Variants in LRRTM4 observed in about 807,000 individuals in gnomAD.
LRRTM4 encodes leucine rich repeat transmembrane neuronal 4.
In LRRTM4, 25 loss-of-function variants were observed where a neutral mutation model predicts 47.6. That is an observed-to-expected ratio of 0.53 (90% CI 0.38 to 0.73). The LOEUF (loss-of-function observed/expected upper bound fraction) is 0.73. Ranked by LOEUF, LRRTM4 falls within the 30% of genes least tolerant of loss-of-function variation. The pLI is 0.00. For missense variants in LRRTM4, 638 were observed against 713.4 expected (o/e 0.89, Z 1.20); for synonymous variants, 311 against 269.5 (o/e 1.15, Z -1.51).
intron 3 of LRRTM4, among the ~76,000 whole-genome samples, chr2:77,117,310 A>G (rs895638881): frequency 1.6e-4 from 25 of 152,170 alleles, no homozygotes; most frequent in African/African-American, 5.5e-4. Context: ...AGAAAAATAG[A>G]TAGCAAAAAG....
intron 3 of LRRTM4, among the ~76,000 whole-genome samples, chr2:77,350,769 G>T (rs887946466): frequency 3.9e-5 from 6 of 151,960 alleles, no homozygotes; most frequent in African/African-American, 7.3e-5. Flanking sequence ...AATTACTGAA[G>T]AAAACAATCT....
intron 3 of LRRTM4, among the ~76,000 whole-genome samples, chr2:77,436,262 G>A (rs1452449971): frequency 1.3e-5 from 2 of 152,106 alleles, no homozygotes; most frequent in Non-Finnish European, 2.9e-5. Flanking sequence ...ATGTTACGTA[G>A]TGGTGAGGTT....
chr2:77,516,751 T>A (rs1320840001), intron 3 of LRRTM4: 1 of 968,088 alleles, frequency 1.0e-6, no homozygotes, highest in Non-Finnish European at 1.2e-6. Flanking sequence ...TGGGATTACT[T>A]CTCTTATTTT....
intron 3 of LRRTM4, among the ~76,000 whole-genome samples, chr2:77,007,024 G>A (rs1558793488): frequency 1.3e-5 from 2 of 151,886 alleles, no homozygotes; most frequent in African/African-American, 4.8e-5. Flanking sequence ...TGTTGGCTTT[G>A]TTTTTTGTTT....
chr2:76,939,121 T>C (rs1303330589), intron 3 of LRRTM4, among the ~76,000 whole-genome samples: 1 of 151,266 alleles, frequency 6.6e-6, no homozygotes, highest in African/African-American at 2.5e-5. Context: ...TAATACTTTT[T>C]AGCAATTTTC....
intron 3 of LRRTM4, among the ~76,000 whole-genome samples, chr2:77,383,501 A>G (rs1049825989): frequency 2.0e-5 from 3 of 152,094 alleles, no homozygotes; most frequent in African/African-American, 7.2e-5. Context: ...TGATTTTTCC[A>G]CTACGACCCA....
At chr2:77,144,359 G>C (rs929152204) in intron 3 of LRRTM4, among the ~76,000 whole-genome samples, 34 of 151,954 alleles carry the variant, frequency 2.2e-4, no homozygotes, top group African/African-American at 8.2e-4. Context: ...ACGGAAACCT[G>C]GGAAGCACAT....
At chr2:77,167,110 GA>G (rs1407728508) in intron 3 of LRRTM4, among the ~76,000 whole-genome samples, 1 of 151,722 alleles carries the variant, frequency 6.6e-6, no homozygotes, top group Non-Finnish European at 1.5e-5. Flanking sequence ...AAATTTACAA[GA>G]AAAAAACAAC....
intron 3 of LRRTM4, among the ~76,000 whole-genome samples, chr2:77,335,348 T>C (rs1264302113): frequency 6.6e-6 from 1 of 152,190 alleles, no homozygotes; most frequent in African/African-American, 2.4e-5. Flanking sequence ...TCTTGTTCAG[T>C]CACCTTCATT....
chr2:77,273,628 A>T (rs924923901), intron 3 of LRRTM4, among the ~76,000 whole-genome samples: 3 of 152,122 alleles, frequency 2.0e-5, no homozygotes, highest in Non-Finnish European at 4.4e-5. Flanking sequence ...CAAATGTTTA[A>T]AGGGGTTGAA....
chr2:77,124,014 C>T lies in LRRTM4; in HGVS notation c.1552-375098G>A, dbSNP rs960488515. ...TTCCACTATGGGCTAATGTAGACAG[C>T]GTAAGAAGCTAAGGATCAGTAATGT... On this transcript the variant is annotated intron_variant, in intron 3 of 3. Coordinates refer to ENST00000409884, the MANE Select transcript of LRRTM4 (RefSeq NM_001134745.3). Among the ~76,000 whole-genome samples the T allele has an allele frequency of 1.1e-4, 17 of 152,046 alleles. 2 individuals are homozygous for T. Among genetic ancestry groups the T allele is most frequent in the Admixed American group, 7.9e-4 (12 of 15,252 alleles).
rs1254645522 is a variant in LRRTM4, at chr2:77,011,169, AAT to A, written c.1552-262255_1552-262254del. On this transcript the variant is annotated intron_variant, in intron 3 of 3. Transcript: ENST00000409884. ...GTCTTAGTAAAAAGAAAGAGATAAA[AAT>A]AGTTTTAACACAGTTTAGCCCAATA... Among the ~76,000 whole-genome samples, 4 of 152,230 alleles carry A rather than the reference AAT, an allele frequency of 2.6e-5. No individual in the cohort carries two copies. In the East Asian group the frequency reaches 5.8e-4, roughly 22 times the overall value.
At chr2:76,979,134 T>C (rs906047573) in intron 3 of LRRTM4, among the ~76,000 whole-genome samples, 1 of 151,982 alleles carries the variant, frequency 6.6e-6, no homozygotes, top group Non-Finnish European at 1.5e-5. Flanking sequence ...CTGAGTAATA[T>C]AAAGATTCTA....
chr2:76,899,938 G>C (rs1413674294), intron 3 of LRRTM4, among the ~76,000 whole-genome samples: 2 of 151,976 alleles, frequency 1.3e-5, no homozygotes, highest in Admixed American at 6.6e-5. Context: ...CTGAATATAT[G>C]CTAGTAGACA....
chr2:77,296,500 G>C (rs1320434393), intron 3 of LRRTM4, among the ~76,000 whole-genome samples: 1 of 151,950 alleles, frequency 6.6e-6, no homozygotes, highest in Non-Finnish European at 1.5e-5. Flanking sequence ...CGTTGTTCCT[G>C]AACACAATTT....
intron 3 of LRRTM4, among the ~76,000 whole-genome samples, chr2:77,295,037 C>A (rs1214055917): frequency 6.6e-6 from 1 of 152,036 alleles, no homozygotes; most frequent in Non-Finnish European, 1.5e-5. Flanking sequence ...GAATCAAAAT[C>A]ATCTCATTTC....
rs1223108989 is a variant in LRRTM4 at position 76,796,287 on chromosome 2, A to C, written c.1552-47371T>G. Among the ~76,000 whole-genome samples, 15 of 118,942 alleles carry C rather than the reference A, an allele frequency of 1.3e-4. No individual in the cohort carries two copies. In the East Asian group the frequency reaches 3.5e-3, roughly 27 times the overall value. The allele number at this position is 118,942 out of a possible 152,430, so 78.0% of individuals were successfully genotyped here. A position where few individuals can be genotyped will look rare whatever the true frequency, so the allele number is the denominator to read the frequency against. On this transcript the variant is annotated intron_variant, in intron 3 of 3. Coordinates refer to ENST00000409884, the MANE Select transcript of LRRTM4 (RefSeq NM_001134745.3). ...GCTTGATTAGGTAAACAAAGCAGCC[A>C]GGAAGCTCCAACTGGGTGGAGCCCA...
At position 76,801,602 on chromosome 2, in the gene LRRTM4, C is replaced by A. The variant is rs530162570; in HGVS notation, c.1552-52686G>T. 4.5e-4 allele frequency among the ~76,000 whole-genome samples: 69 copies of A among 151,784 alleles called. No homozygotes were observed. In the South Asian group the frequency reaches 0.014, roughly 31 times the overall value. On this transcript the variant is annotated intron_variant, in intron 3 of 3. Transcript: ENST00000409884. Reference sequence around the variant, plus strand: ...GTGGGTGCAGTGCACCAGCATGGCACATATATACATATGTGACTAACCTGC... The same window carrying A: ...GTGGGTGCAGTGCACCAGCATGGCAAATATATACATATGTGACTAACCTGC...
chr2:77,085,982 G>A (rs1289571133), intron 3 of LRRTM4, among the ~76,000 whole-genome samples: 3 of 152,072 alleles, frequency 2.0e-5, no homozygotes, highest in Non-Finnish European at 4.4e-5. Context: ...CTGAAACGCA[G>A]TATCAGTCCA....
Sources: allele counts gnomAD v4.1 joint callset (sites outside exome capture counted in the v4.1 genomes callset), GRCh38; gene constraint gnomAD v4.1.1; transcripts MANE v1.5; gene names NCBI Gene and HGNC (gene_info 2026-07-23, HGNC 2026-07-21).